Variants in MYO5B observed in about 807,000 individuals in gnomAD.
The protein encoded by MYO5B is myosin VB, also known as unconventional myosin-Vb.
MYO5B carries 143 observed loss-of-function variants against 229.3 expected under a neutral mutation model. The ratio of observed to expected loss-of-function variants is 0.62; its 90% CI spans 0.54 to 0.72. The LOEUF (loss-of-function observed/expected upper bound fraction) is 0.72. MYO5B is among the 30% of genes least tolerant of loss of function. The pLI is 0.00. For missense variants in MYO5B, 2,321 were observed against 2,331.0 expected, an observed-to-expected ratio of 1.00 and a Z score of 0.09; for synonymous variants, 918 against 885.2, an observed-to-expected ratio of 1.04 and a Z score of -0.66.
chr18:49,975,968 T>C (rs2000900), intron 9 of MYO5B, among the ~76,000 whole-genome samples: 1 of 152,134 alleles, frequency 6.6e-6, no homozygotes, highest in African/African-American at 2.4e-5. Flanking sequence ...TTCACCAAAA[T>C]GTACAAATTC....
chr18:50,085,817 G>A lies in MYO5B; in HGVS notation c.28-30439C>T, dbSNP rs1361667890. On this transcript the variant is annotated intron_variant, in intron 1 of 39. Transcript: ENST00000285039. ...ATTCTCAGCAAACTATCACAAGGACGAAAAACCAAACACTACATGTTCTCA... is the reference window on the plus strand; with the variant it reads ...ATTCTCAGCAAACTATCACAAGGACAAAAAACCAAACACTACATGTTCTCA... 6.6e-5 allele frequency among the ~76,000 whole-genome samples: 10 copies of A among 151,320 alleles called. No individual in the cohort carries two copies. In the South Asian group the frequency reaches 1.5e-3, roughly 22 times the overall value.
chr18:50,108,703 G>A (rs974357582), intron 1 of MYO5B, among the ~76,000 whole-genome samples: 11 of 152,062 alleles, frequency 7.2e-5, no homozygotes, highest in Admixed American at 1.3e-4. Flanking sequence ...CAATTATCTC[G>A]GGTTCTAATA....
At chr18:50,180,368 T>C (rs544790171) in intron 1 of MYO5B, among the ~76,000 whole-genome samples, 1 of 152,288 alleles carries the variant, frequency 6.6e-6, no homozygotes, top group Non-Finnish European at 1.5e-5. Context: ...TGTCCTAGAC[T>C]CTTGCTCCTG....
At chr18:50,101,788 T>C (rs951581705) in intron 1 of MYO5B, among the ~76,000 whole-genome samples, 7 of 152,186 alleles carry the variant, frequency 4.6e-5, no homozygotes, top group Non-Finnish European at 1.0e-4. Context: ...ACACTGTTGA[T>C]GGGAATGTAA....
intron 21 of MYO5B, among the ~76,000 whole-genome samples, chr18:49,899,509 C>T (rs1443999741): frequency 1.3e-5 from 2 of 152,188 alleles, no homozygotes; most frequent in African/African-American, 2.4e-5. Context: ...GTTCTCCTGA[C>T]ATGTTCCAAG....
At chr18:49,969,439 A>C (rs540656299) in intron 10 of MYO5B, among the ~76,000 whole-genome samples, 1 of 152,268 alleles carries the variant, frequency 6.6e-6, no homozygotes. Flanking sequence ...AAATATTTGC[A>C]AATCATATTT....
At chr18:50,077,180 A>T (rs913823524) in intron 1 of MYO5B, among the ~76,000 whole-genome samples, 15 of 150,460 alleles carry the variant, frequency 1.0e-4, no homozygotes, top group African/African-American at 3.2e-4. Flanking sequence ...AAAAAAAAAA[A>T]AAAAAAAAAA....
In MYO5B at chr18:50,157,090, GTT is replaced by G. The variant is rs71169484; in HGVS notation, c.27+37675_27+37676del. On this transcript the variant is annotated intron_variant, in intron 1 of 39. Transcript: ENST00000285039. Reference sequence around the variant, plus strand: ...CAACAATGGATATCCTTTTTGTTTTGTTTTTTTTTTTTGGCTGGGGGTGGGGA... The same window carrying G: ...CAACAATGGATATCCTTTTTGTTTTGTTTTTTTTTTGGCTGGGGGTGGGGA... 6.9e-4 allele frequency among the ~76,000 whole-genome samples: 99 copies of G among 142,602 alleles called. 1 individual carries two copies. Among genetic ancestry groups the G allele is most frequent in the African/African-American group, 2.3e-3 (89 of 38,812 alleles). 93.6% of individuals were successfully genotyped at this position (142,602 alleles called of 152,430 possible).
intron 1 of MYO5B, among the ~76,000 whole-genome samples, chr18:50,190,177 T>C (rs2033207684): frequency 6.6e-6 from 1 of 152,250 alleles, no homozygotes; most frequent in South Asian, 2.1e-4. Context: ...TTGTTCCAAG[T>C]AACTCTTCTA....
intron 1 of MYO5B, among the ~76,000 whole-genome samples, chr18:50,173,041 ATCACCTGAGG>A (rs1179352859): frequency 6.6e-6 from 1 of 152,184 alleles, no homozygotes; most frequent in Non-Finnish European, 1.5e-5. Context: ...AGGTGGGTGA[ATCACCTGAGG>A]TCAGGAGTTC....
intron 1 of MYO5B, among the ~76,000 whole-genome samples, chr18:50,177,355 C>T (rs945690271): frequency 2.0e-5 from 3 of 152,198 alleles, no homozygotes; most frequent in Admixed American, 2.0e-4. Context: ...TTTAAGGTGG[C>T]AGCTACAATA....
intron 17 of MYO5B, among the ~76,000 whole-genome samples, chr18:49,920,011 C>T (rs574951138): frequency 9.2e-5 from 14 of 152,304 alleles, no homozygotes; most frequent in South Asian, 4.2e-4. Context: ...ACGGTTGCTG[C>T]GCATGGATAC....
chr18:49,879,246 C>T, intron 23 of MYO5B, 156 bp from the exon 24 acceptor site: 1 of 823,604 alleles, frequency 1.2e-6, no homozygotes, highest in Admixed American at 2.0e-5. Context: ...TACTGCAGAG[C>T]AAAGGTGAGT....
intron 1 of MYO5B, among the ~76,000 whole-genome samples, chr18:50,160,236 T>C (rs1221049783): frequency 6.6e-6 from 1 of 152,146 alleles, no homozygotes; most frequent in Non-Finnish European, 1.5e-5. Context: ...TCTCGAAAAC[T>C]CTATGTGGGT....
intron 32 of MYO5B, among the ~76,000 whole-genome samples, chr18:49,848,646 G>T (rs1210210099): frequency 6.6e-6 from 1 of 152,176 alleles, no homozygotes; most frequent in Admixed American, 6.5e-5. Context: ...CAGGGGACAA[G>T]AACTGGACAC....
intron 38 of MYO5B, among the ~76,000 whole-genome samples, chr18:49,835,669 T>TC (rs924767537): frequency 4.6e-5 from 7 of 152,124 alleles, no homozygotes; most frequent in African/African-American, 1.7e-4. Context: ...CACCTGCCCC[T>TC]CCCCACTATG....
intron 4 of MYO5B, among the ~76,000 whole-genome samples, chr18:50,021,666 A>G (rs930614206): frequency 6.7e-6 from 1 of 149,550 alleles, no homozygotes; most frequent in Non-Finnish European, 1.5e-5. Flanking sequence ...CTGCATCCTA[A>G]CCAATGCCCA....
intron 25 of MYO5B, among the ~76,000 whole-genome samples, chr18:49,876,604 A>G (rs2024526656): frequency 6.6e-6 from 1 of 152,232 alleles, no homozygotes; most frequent in Non-Finnish European, 1.5e-5. Context: ...AAGAACATAA[A>G]ACCAGTGATG....
At chr18:50,049,127 G>A (rs191967244) in intron 2 of MYO5B, among the ~76,000 whole-genome samples, 1 of 151,950 alleles carries the variant, frequency 6.6e-6, no homozygotes, top group African/African-American at 2.4e-5. Context: ...CACTGTTTTA[G>A]AAAGACTTCT....
Sources: gnomAD v4.1 joint callset for allele counts (sites outside exome capture counted in the v4.1 genomes callset) on GRCh38, gnomAD v4.1.1 for gene constraint, MANE v1.5 for transcripts, NCBI Gene and HGNC (gene_info 2026-07-23, HGNC 2026-07-21) for gene names.